Variants in ZBBX observed in about 807,000 individuals in gnomAD.
The protein encoded by ZBBX is zinc finger B-box domain-containing protein 1.
A neutral mutation model predicts 108.5 loss-of-function variants in ZBBX; 101 were observed. That is an observed-to-expected ratio of 0.93 (90% CI 0.79 to 1.10). ZBBX has a LOEUF of 1.10. Ranked by LOEUF, ZBBX falls within the 50% of genes least tolerant of loss-of-function variation. The probability of loss-of-function intolerance (pLI) is 0.00; values close to 1 mark genes in which losing one functional copy is unlikely to be tolerated. For missense variants in ZBBX, 1,009 were observed against 941.4 expected (o/e 1.07, Z -0.94); for synonymous variants, 356 against 323.4 (o/e 1.10, Z -1.08).
chr3:167,268,046 G>A (rs938613291), intron 20 of ZBBX, among the ~76,000 whole-genome samples: 2 of 152,072 alleles, frequency 1.3e-5, no homozygotes, highest in South Asian at 2.1e-4. Context: ...ACTCCAACAT[G>A]AAGTAGAACA....
chr3:167,226,028 T>C, the ZBBX span, among the ~76,000 whole-genome samples: 8 of 150,750 alleles, frequency 5.3e-5, no homozygotes, highest in South Asian at 1.7e-3. Flanking sequence ...CTCATTCCCT[T>C]GGTCCAGCAC....
intron 18 of ZBBX, 44 bp downstream of exon 18, chr3:167,298,261 A>G: frequency 6.8e-7 from 1 of 1,470,428 alleles, no homozygotes; most frequent in Non-Finnish European, 9.1e-7. Flanking sequence ...AGTATTTCCT[A>G]AGATGAGAAC....
intron 1 of ZBBX, among the ~76,000 whole-genome samples, chr3:167,392,493 T>C (rs921463030): frequency 7.2e-5 from 11 of 151,856 alleles, no homozygotes; most frequent in Non-Finnish European, 1.5e-4. Context: ...TATAAGAAAC[T>C]GTCAAACTGT....
At chr3:167,275,891 T>G (rs1249309872) in intron 20 of ZBBX, among the ~76,000 whole-genome samples, 1 of 152,140 alleles carries the variant, frequency 6.6e-6, no homozygotes, top group African/African-American at 2.4e-5. Flanking sequence ...CTGGCAGCTT[T>G]GAAGAGAGCA....
At chr3:167,394,527 C>G (rs954098643) in intron 1 of ZBBX, among the ~76,000 whole-genome samples, 1 of 151,674 alleles carries the variant, frequency 6.6e-6, no homozygotes, top group African/African-American at 2.4e-5. Context: ...ATAAAAAATG[C>G]TATTCTGTCC....
intron 9 of ZBBX, among the ~76,000 whole-genome samples, chr3:167,339,577 G>C (rs1740175770): frequency 2.0e-5 from 3 of 152,096 alleles, no homozygotes; most frequent in Admixed American, 2.0e-4. Flanking sequence ...CATAGGATTT[G>C]AGTGGCCTTC....
the ZBBX span, among the ~76,000 whole-genome samples, chr3:167,221,496 T>A: frequency 6.6e-6 from 1 of 151,910 alleles, no homozygotes; most frequent in East Asian, 1.9e-4. Context: ...CTCCTATCTC[T>A]TGTTGACTAT....
intron 1 of ZBBX, among the ~76,000 whole-genome samples, chr3:167,389,652 C>T (rs1050630026): frequency 5.9e-5 from 9 of 152,098 alleles, no homozygotes; most frequent in African/African-American, 1.9e-4. Flanking sequence ...CATTTCCTGA[C>T]TTTTTAATAA....
At chr3:167,224,787 G>A in the ZBBX span, among the ~76,000 whole-genome samples, 1 of 151,668 alleles carries the variant, frequency 6.6e-6, no homozygotes, top group African/African-American at 2.4e-5. Flanking sequence ...CTTGCAAATG[G>A]CAGTACTATC....
chr3:167,334,285 A>C (rs895922788), intron 9 of ZBBX, among the ~76,000 whole-genome samples: 2 of 152,142 alleles, frequency 1.3e-5, no homozygotes, highest in Non-Finnish European at 2.9e-5. Flanking sequence ...AGAAAACTAA[A>C]GCTTAGGCCG....
intron 15 of ZBBX, among the ~76,000 whole-genome samples, chr3:167,314,656 A>G (rs1291697373): frequency 6.6e-6 from 1 of 152,172 alleles, no homozygotes; most frequent in Non-Finnish European, 1.5e-5. Flanking sequence ...ACAGAATACC[A>G]TTATAAAACT....
At chr3:167,299,394 TC>T (rs1732233427) in intron 17 of ZBBX, among the ~76,000 whole-genome samples, 1 of 152,006 alleles carries the variant, frequency 6.6e-6, no homozygotes, top group Non-Finnish European at 1.5e-5. Context: ...TCAGCACATA[TC>T]CCCTGGCCCT....
chr3:167,317,069 A>C lies in ZBBX; in HGVS notation c.1130T>G (p.Leu377Trp), dbSNP rs1215034403. 6.2e-7 allele frequency: 1 copy of C among 1,610,852 alleles called. No homozygotes were observed. The highest frequency in any genetic ancestry group is 8.5e-7 in the Non-Finnish European group (1 of 1,178,000). Residue 377 changes from leucine to tryptophan, a missense_variant, in exon 14 of 22, where the codon TTG becomes TGG. Transcript: ENST00000675490. ...CTCTATGTTTAATGTTTCTACTGGC[A>C]ATAAAAGAGCTGTGTGTTGTACTTT... Reference protein sequence around the residue: ...ETKVQHTALLLPVETLNIERP... With the variant: ...ETKVQHTALLWPVETLNIERP...
At chr3:167,264,257 G>A (rs564128639) in intron 20 of ZBBX, among the ~76,000 whole-genome samples, 2 of 152,092 alleles carry the variant, frequency 1.3e-5, no homozygotes, top group African/African-American at 4.8e-5. Flanking sequence ...TTTGTTTTCT[G>A]GTTGTTTTGT....
intron 19 of ZBBX, among the ~76,000 whole-genome samples, chr3:167,284,662 A>C (rs561657653): frequency 2.0e-5 from 3 of 152,316 alleles, no homozygotes; most frequent in Non-Finnish European, 4.4e-5. Context: ...ATTGATCCCC[A>C]TTGAGAAAAA....
rs374268283 is a variant in ZBBX at position 167,307,047 on chromosome 3, G to A, written c.1418-1097C>T. Among the ~76,000 whole-genome samples the A allele has an allele frequency of 2.1e-4, 32 of 152,214 alleles. 1 individual carries two copies. The highest frequency in any genetic ancestry group is 1.5e-3 in the East Asian group (8 of 5,170). On this transcript the variant is annotated intron_variant, in intron 16 of 21. Coordinates refer to ENST00000675490, the MANE Select transcript of ZBBX (RefSeq NM_001199201.2). ...TCTCTCCATAAGACACACCCACACA[G>A]GTGCAGAAAAGGCTTTCGACAAAAT...
intron 4 of ZBBX, chr3:167,368,827 A>T: frequency 1.4e-6 from 1 of 711,588 alleles, no homozygotes. Flanking sequence ...AATTATAATT[A>T]ACTTCATATA....
chr3:167,212,465 ACCCTAAGCCTTATCCACAG>A, the ZBBX span, among the ~76,000 whole-genome samples: 1 of 152,044 alleles, frequency 6.6e-6, no homozygotes, highest in Non-Finnish European at 1.5e-5. Context: ...AGGAACAAAG[ACCCTAAGCCTTATCCACAG>A]CTCCAACAAG....
intron 20 of ZBBX, among the ~76,000 whole-genome samples, chr3:167,268,869 G>A (rs772219405): frequency 2.0e-5 from 3 of 152,122 alleles, no homozygotes; most frequent in Admixed American, 1.3e-4. Flanking sequence ...CCAGGGGGCC[G>A]GAAACTATAC....
Sources: gnomAD v4.1 joint callset for allele counts (sites outside exome capture counted in the v4.1 genomes callset) on GRCh38, gnomAD v4.1.1 for gene constraint, MANE v1.5 for transcripts, NCBI Gene and HGNC (gene_info 2026-07-23, HGNC 2026-07-21) for gene names.